TOMM40L: variants seen among roughly 807,000 people sequenced by gnomAD.
TOMM40L encodes the protein translocase of outer mitochondrial membrane 40 like, also known as mitochondrial import receptor subunit TOM40B.
A neutral mutation model predicts 38.3 loss-of-function variants in TOMM40L; 17 were observed. That is an observed-to-expected ratio of 0.44 (90% CI 0.30 to 0.67). The LOEUF (loss-of-function observed/expected upper bound fraction) is 0.67, where lower values mean the gene tolerates loss of function less well. Ranked by LOEUF, TOMM40L falls within the 30% of genes least tolerant of loss-of-function variation. The pLI is 0.08. For missense variants in TOMM40L, 294 were observed against 390.0 expected (o/e 0.75, Z 2.07); for synonymous variants, 151 against 150.2 (o/e 1.01, Z -0.04).
Position 161,228,324 on chromosome 1 carries a change from A to C in TOMM40L, c.607+16A>C, listed in dbSNP as rs1441494180. 3.1e-6 allele frequency: 5 copies of C among 1,607,846 alleles called. No individual in the cohort carries two copies. The highest frequency in any genetic ancestry group is 4.3e-6 in the Non-Finnish European group (5 of 1,175,692). ...AAGTACTCGGGTATGGGGCGAAGTG[A>C]AGTAGTGGTGGTGGTGGGGGGCAAT... On this transcript the variant is annotated intron_variant, in intron 7 of 9. Transcript: ENST00000367988.
rs1415699340 is a variant in TOMM40L at position 161,228,830 on chromosome 1, G to A, written c.787+13G>A. The stretch of plus-strand genomic sequence containing the variant: ...ATGGTATTTAGAGGTGAGGGTTATT[G>A]GGAGACATTTGGCTATCCTGAGGAA... On this transcript the variant is annotated intron_variant, in intron 9 of 9. Coordinates refer to ENST00000367988, the MANE Select transcript of TOMM40L (RefSeq NM_032174.6). The A allele has an allele frequency of 8.1e-6, 13 of 1,614,004 alleles. No individual in the cohort carries two copies. The highest frequency in any genetic ancestry group is 1.1e-5 in the Non-Finnish European group (13 of 1,179,980).
intron 4 of TOMM40L, 104 bp from the exon 5 acceptor site, chr1:161,227,532 C>A: frequency 2.7e-6 from 3 of 1,101,496 alleles, no homozygotes; most frequent in South Asian, 1.4e-5. Flanking sequence ...GTCTTTGTGA[C>A]TCCACCAGGG....
At position 161,228,436 on chromosome 1, in the gene TOMM40L, T is replaced by TG; in HGVS notation, c.619dup (p.Val207GlyfsTer21). 7 of 1,614,076 alleles carry TG rather than the reference T, an allele frequency of 4.3e-6. No individual in the cohort carries two copies. The highest frequency in any genetic ancestry group is 5.9e-6 in the Non-Finnish European group (7 of 1,179,998). ...TACTTTGGATTTTACAGCTGTACACTGGGTAGCTACATTGAATGTGGGATC... is the reference window on the plus strand; with the variant it reads ...TACTTTGGATTTTACAGCTGTACACTGGGGTAGCTACATTGAATGTGGGATC... On this transcript the variant is annotated frameshift_variant, in exon 8 of 10. Coordinates refer to ENST00000367988, the MANE Select transcript of TOMM40L (RefSeq NM_032174.6). LOFTEE classifies it high-confidence loss of function.
At position 161,230,176 on chromosome 1, in the gene TOMM40L, A is replaced by AT; in HGVS notation, c.*1081_*1082insT. 1 of 485,708 alleles carries AT rather than the reference A, an allele frequency of 2.1e-6. No homozygotes were observed. 30.1% of individuals were successfully genotyped at this position (485,708 alleles called of 1,614,324 possible). On this transcript the variant is annotated 3_prime_UTR_variant, in exon 10 of 10. Transcript: ENST00000367988. ...CCAGAGCTCTGAGAGCCGAGTGTGA[A>AT]GAAAGCTCCAGACTTGGCCAGAACT...
At position 161,229,733 on chromosome 1, in the gene TOMM40L, C is replaced by T. The variant is rs755279262; in HGVS notation, c.*638C>T. The T allele has an allele frequency of 1.2e-6, 2 of 1,614,236 alleles. No individual in the cohort carries two copies. Among genetic ancestry groups the T allele is most frequent in the Non-Finnish European group, 1.7e-6 (2 of 1,180,048 alleles). On this transcript the variant is annotated 3_prime_UTR_variant, in exon 10 of 10. Transcript: ENST00000367988. ...AACCCGGCCCAATCTTTGGTCCCAG[C>T]ATTTTCCCACTCCAGTGTATCCAGG...
chr1:161,226,529 C>T lies in TOMM40L; in HGVS notation c.40C>T (p.Pro14Ser), dbSNP rs867606459. The change falls in exon 2 of 10, where the codon CCC becomes TCC. Residue 14 changes from proline (P) to serine (S), a missense_variant. Pro to Ser is a moderately conservative substitution (Grantham distance 74). Transcript: ENST00000367988. The stretch of plus-strand genomic sequence containing the variant: ...GGGCCTGGCACCAATGGGGACTTTG[C>T]CCCGCCGGAGCCCCCGCCGAGAGGA... ...TLGLAPMGTL[P>S]RRSPRREEPL... is the part of the protein sequence containing the mutation. 3.7e-6 allele frequency: 6 copies of T among 1,613,904 alleles called. No individual in the cohort carries two copies. Among genetic ancestry groups the T allele is most frequent in the Non-Finnish European group, 5.1e-6 (6 of 1,179,990 alleles).
chr1:161,228,448 T>C lies in TOMM40L; in HGVS notation c.628T>C (p.Leu210=). The part of the protein sequence containing the change: ...KYSAVHWVAT[L]NVGSGGAHAS... ...TACAGCTGTACACTGGGTAGCTACA[T>C]TGAATGTGGGATCAGGCGGGGCCCA... The change falls in exon 8 of 10, where the codon TTG becomes CTG. Residue 210 remains leucine, a synonymous_variant. Transcript: ENST00000367988. 2 of 1,614,028 alleles carry C rather than the reference T, an allele frequency of 1.2e-6. No homozygotes were observed. Among genetic ancestry groups the C allele is most frequent in the Non-Finnish European group, 8.5e-7 (1 of 1,179,986 alleles).
In TOMM40L at chr1:161,228,052, C is replaced by T. The variant is rs539385929; in HGVS notation, c.484+63C>T. 3.2e-4 allele frequency: 507 copies of T among 1,602,454 alleles called. 1 individual carries two copies. The African/African-American group carries it at 6.1e-3, about 19-fold the overall frequency. On this transcript the variant is annotated intron_variant, in intron 6 of 9. Transcript: ENST00000367988. The stretch of plus-strand genomic sequence containing the variant: ...CCCATTTGCTAATGTTACTATGCCT[C>T]TTCATCTTCTGTACAGTTTGGAGTT...
chr1:161,227,450 T>G (rs1234694387), intron 4 of TOMM40L, 100 bp downstream of exon 4: 56 of 1,216,324 alleles, frequency 4.6e-5, no homozygotes, highest in Non-Finnish European at 6.4e-5. Flanking sequence ...GAATGGGCCG[T>G]AACCTGATTC....
chr1:161,227,557 T>C (rs1369262873), intron 4 of TOMM40L, 79 bp from the exon 5 acceptor site: 1 of 1,291,134 alleles, frequency 7.7e-7, no homozygotes, highest in African/African-American at 1.5e-5. Flanking sequence ...CTGTGCACTC[T>C]TAATGAAGTT....
chr1:161,226,528 G>T lies in TOMM40L; in HGVS notation c.39G>T (p.Leu13Phe). Residue 13 changes from leucine to phenylalanine, a missense_variant, in exon 2 of 10, where the codon TTG (leucine) becomes TTT (phenylalanine). Coordinates refer to ENST00000367988, the MANE Select transcript of TOMM40L (RefSeq NM_032174.6). ...NTLGLAPMGTLPRRSPRREEP... is the reference protein window; with the variant it reads ...NTLGLAPMGTFPRRSPRREEP... Reference sequence around the variant, plus strand: ...TGGGCCTGGCACCAATGGGGACTTTGCCCCGCCGGAGCCCCCGCCGAGAGG... The same window carrying T: ...TGGGCCTGGCACCAATGGGGACTTTTCCCCGCCGGAGCCCCCGCCGAGAGG... The T allele has an allele frequency of 6.2e-7, 1 of 1,614,060 alleles. No homozygotes were observed. The highest frequency in any genetic ancestry group is 2.2e-5 in the East Asian group (1 of 44,874).
At position 161,226,094 on chromosome 1, in the gene TOMM40L, G is replaced by A. The variant is rs548275218; in HGVS notation, c.-178G>A. ...GATGGCTGCCCCCATCAAGATGACC[G>A]GGGTGTGCCGGGGGGAAAGGGGCAG... On this transcript the variant is annotated 5_prime_UTR_variant, in exon 1 of 10. Coordinates refer to ENST00000367988, the MANE Select transcript of TOMM40L (RefSeq NM_032174.6). 1.2e-5 allele frequency: 2 copies of A among 165,100 alleles called. No homozygotes were observed. The highest frequency in any genetic ancestry group is 4.8e-5 in the African/African-American group (2 of 41,828). 10.2% of individuals were successfully genotyped at this position (165,100 alleles called of 1,614,324 possible).
rs147606131 is a variant in TOMM40L, at chr1:161,230,167, C to T, written c.*1072C>T. ...TTTCTGAACCCAGAGCTCTGAGAGCCGAGTGTGAAGAAAGCTCCAGACTTG... is the reference window on the plus strand; with the variant it reads ...TTTCTGAACCCAGAGCTCTGAGAGCTGAGTGTGAAGAAAGCTCCAGACTTG... On this transcript the variant is annotated 3_prime_UTR_variant, in exon 10 of 10. Coordinates refer to ENST00000367988, the MANE Select transcript of TOMM40L (RefSeq NM_032174.6). 28 of 498,274 alleles carry T rather than the reference C, an allele frequency of 5.6e-5. No individual in the cohort carries two copies. The East Asian group carries it at 1.0e-3, about 19-fold the overall frequency. 30.9% of individuals were successfully genotyped at this position (498,274 alleles called of 1,614,324 possible). A position where few individuals can be genotyped will look rare whatever the true frequency, so the allele number is the denominator to read the frequency against.
Position 161,229,916 on chromosome 1 carries a change from CATACAGA to C in TOMM40L, c.*823_*829del. On this transcript the variant is annotated 3_prime_UTR_variant, in exon 10 of 10. Coordinates refer to ENST00000367988, the MANE Select transcript of TOMM40L (RefSeq NM_032174.6). ...TCAGCCAGCAGGCCTAGCAACTTCGCATACAGAAACCTTTGGAGGAAGTAGTGGGGTT... is the reference window on the plus strand; with the variant it reads ...TCAGCCAGCAGGCCTAGCAACTTCGCAACCTTTGGAGGAAGTAGTGGGGTT... 3 of 1,614,178 alleles carry C rather than the reference CATACAGA, an allele frequency of 1.9e-6. No homozygotes were observed. Among genetic ancestry groups the C allele is most frequent in the Non-Finnish European group, 2.5e-6 (3 of 1,180,040 alleles).
At position 161,228,982 on chromosome 1, in the gene TOMM40L, G is replaced by A. The variant is rs967001119; in HGVS notation, c.814G>A (p.Gly272Ser). 1 of 1,614,182 alleles carries A rather than the reference G, an allele frequency of 6.2e-7. No individual in the cohort carries two copies. The highest frequency in any genetic ancestry group is 1.1e-5 in the South Asian group (1 of 91,084). ...CTTGGTGGATAGTAACTGGTGTGTA[G>A]GTGCTGTGCTGGAGAAGAAGATGCC... Reference protein sequence around the residue: ...RGLVDSNWCVGAVLEKKMPPL... With the variant: ...RGLVDSNWCVSAVLEKKMPPL... The change falls in exon 10 of 10, where the codon GGT becomes AGT. Residue 272 changes from glycine (G) to serine (S), a missense_variant. Gly to Ser is a moderately conservative substitution (Grantham distance 56, BLOSUM62 0). Coordinates refer to ENST00000367988, the MANE Select transcript of TOMM40L (RefSeq NM_032174.6).
Position 161,229,236 on chromosome 1 carries a change from C to A in TOMM40L, c.*141C>A. 1 of 1,214,028 alleles carries A rather than the reference C, an allele frequency of 8.2e-7. No homozygotes were observed. Among genetic ancestry groups the A allele is most frequent in the East Asian group, 2.5e-5 (1 of 40,170 alleles). 75.2% of individuals were successfully genotyped at this position (1,214,028 alleles called of 1,614,324 possible). ...GCAGAGTGGTGGACAGGACCATGCCCTCCTCAGAACTGGAGCTGCCACAGG... is the reference window on the plus strand; with the variant it reads ...GCAGAGTGGTGGACAGGACCATGCCATCCTCAGAACTGGAGCTGCCACAGG... On this transcript the variant is annotated 3_prime_UTR_variant, in exon 10 of 10. Coordinates refer to ENST00000367988, the MANE Select transcript of TOMM40L (RefSeq NM_032174.6).
chr1:161,228,390 G>T (rs1159239486), intron 7 of TOMM40L, 38 bp from the exon 8 acceptor site: 1 of 1,613,968 alleles, frequency 6.2e-7, no homozygotes, highest in Admixed American at 1.7e-5. Flanking sequence ...TCATACTACA[G>T]TTAACACTCC....
chr1:161,226,657 G>A, intron 2 of TOMM40L, 53 bp downstream of exon 2: 1 of 1,554,374 alleles, frequency 6.4e-7, no homozygotes, highest in South Asian at 1.1e-5. Context: ...GGAGTGGAGG[G>A]TCTTGAATGC....
chr1:161,229,545 C>T lies in TOMM40L; in HGVS notation c.*450C>T. 2 of 1,271,946 alleles carry T rather than the reference C, an allele frequency of 1.6e-6. No homozygotes were observed. Among genetic ancestry groups the T allele is most frequent in the Non-Finnish European group, 2.2e-6 (2 of 917,950 alleles). 78.8% of individuals were successfully genotyped at this position (1,271,946 alleles called of 1,614,324 possible). A position where few individuals can be genotyped will look rare whatever the true frequency, so the allele number is the denominator to read the frequency against. ...TCAGGAAGTGGGGCCCACCCATTCC[C>T]AGAAGGAGCTTCTTTACCTCTTAGC... On this transcript the variant is annotated 3_prime_UTR_variant, in exon 10 of 10. Transcript: ENST00000367988.
Sources: allele counts gnomAD v4.1 joint callset, GRCh38; gene constraint gnomAD v4.1.1; transcripts MANE v1.5; gene names NCBI Gene and HGNC (gene_info 2026-07-23, HGNC 2026-07-21).